The following GNA12 variants were observed in gnomAD, a reference collection of about 807,000 sequenced individuals.
GNA12 encodes the protein guanine nucleotide-binding protein subunit alpha-12.
GNA12 carries 9 observed loss-of-function variants against 26.0 expected under a neutral mutation model. The ratio of observed to expected loss-of-function variants is 0.35; its 90% CI spans 0.21 to 0.60. The LOEUF (loss-of-function observed/expected upper bound fraction) is 0.60. Ranked by LOEUF, GNA12 falls within the 20% of genes least tolerant of loss-of-function variation. The pLI is 0.78. For missense variants in GNA12, 405 were observed against 525.8 expected (o/e 0.77, Z 2.25); for synonymous variants, 264 against 219.6 (o/e 1.20, Z -1.79).
At position 2,750,067 on chromosome 7, in the gene GNA12, T is replaced by C. The variant is rs560975988; in HGVS notation, c.526-16566A>G. Reference sequence around the variant, plus strand: ...GAAGCTCCACAAATTCCAAATATGATAAGTATGAAGAAACTCATAGCAAGG... The same window carrying C: ...GAAGCTCCACAAATTCCAAATATGACAAGTATGAAGAAACTCATAGCAAGG... On this transcript the variant is annotated intron_variant, in intron 2 of 3. Coordinates refer to ENST00000275364, the MANE Select transcript of GNA12 (RefSeq NM_007353.3). Among the ~76,000 whole-genome samples the C allele has an allele frequency of 7.9e-5, 12 of 152,302 alleles. No individual in the cohort carries two copies. The East Asian group carries it at 2.3e-3, about 29-fold the overall frequency.
chr7:2,821,235 A>G (rs1793363821), intron 1 of GNA12, among the ~76,000 whole-genome samples: 1 of 152,236 alleles, frequency 6.6e-6, no homozygotes, highest in Non-Finnish European at 1.5e-5. Flanking sequence ...AATCATTCCA[A>G]TCACTCCTGC....
At chr7:2,792,235 G>C (rs1792538830) in intron 2 of GNA12, among the ~76,000 whole-genome samples, 1 of 152,202 alleles carries the variant, frequency 6.6e-6, no homozygotes. Context: ...AATGCAGAAT[G>C]AATGAATGAA....
chr7:2,749,892 G>A (rs1056084087), intron 2 of GNA12, among the ~76,000 whole-genome samples: 1 of 152,152 alleles, frequency 6.6e-6, no homozygotes, highest in Non-Finnish European at 1.5e-5. Flanking sequence ...TAAAGAATGA[G>A]GTGCAGGCAT....
intron 1 of GNA12, chr7:2,814,173 C>T (rs533564572): frequency 3.8e-5 from 24 of 631,348 alleles, no homozygotes; most frequent in African/African-American, 3.1e-4. Flanking sequence ...TTCTCAGCTC[C>T]CAGAATCACG....
At chr7:2,787,470 G>A (rs1376263278) in intron 2 of GNA12, among the ~76,000 whole-genome samples, 1 of 152,190 alleles carries the variant, frequency 6.6e-6, no homozygotes, top group African/African-American at 2.4e-5. Flanking sequence ...GCTGCACTCT[G>A]GAGCACGAAG....
At chr7:2,784,890 T>C (rs191309786) in intron 2 of GNA12, among the ~76,000 whole-genome samples, 43 of 152,364 alleles carry the variant, frequency 2.8e-4, no homozygotes, top group East Asian at 5.8e-4. Flanking sequence ...ATCATTATTT[T>C]CCTTTAGGGT....
intron 1 of GNA12, among the ~76,000 whole-genome samples, chr7:2,805,843 G>T (rs188540519): frequency 1.8e-3 from 274 of 152,260 alleles, no homozygotes; most frequent in Admixed American, 3.6e-3. Context: ...TATCTTGGCA[G>T]CCCAGCAAGA....
chr7:2,761,346 G>A (rs998602645), intron 2 of GNA12, among the ~76,000 whole-genome samples: 1 of 152,226 alleles, frequency 6.6e-6, no homozygotes, highest in African/African-American at 2.4e-5. Flanking sequence ...GAGGCACGGG[G>A]TGGGCACGCA....
At chr7:2,806,441 G>A (rs1209162133) in intron 1 of GNA12, among the ~76,000 whole-genome samples, 1 of 122,944 alleles carries the variant, frequency 8.1e-6, no homozygotes, top group African/African-American at 3.2e-5. Context: ...CTGGGGGATA[G>A]AGCGAGACTC....
chr7:2,803,126 C>T (rs1792854678), intron 1 of GNA12, among the ~76,000 whole-genome samples: 1 of 152,144 alleles, frequency 6.6e-6, no homozygotes, highest in Non-Finnish European at 1.5e-5. Context: ...AAACTTGGCT[C>T]CTGCTATGGG....
intron 1 of GNA12, among the ~76,000 whole-genome samples, chr7:2,818,563 G>A (rs1028898033): frequency 6.6e-6 from 1 of 152,188 alleles, no homozygotes; most frequent in Non-Finnish European, 1.5e-5. Flanking sequence ...AGGAGTTCGA[G>A]ACCAGCCTGG....
At chr7:2,811,431 A>AG (rs1793079331) in intron 1 of GNA12, among the ~76,000 whole-genome samples, 1 of 152,256 alleles carries the variant, frequency 6.6e-6, no homozygotes, top group South Asian at 2.1e-4. Context: ...CAGAACAACC[A>AG]GGGTGCTCAC....
In GNA12 at chr7:2,816,585, C is replaced by A. The variant is rs113990712; in HGVS notation, c.310-21442G>T. Among the ~76,000 whole-genome samples, 979 of 152,202 alleles carry A rather than the reference C, an allele frequency of 6.4e-3. 12 individuals carry two copies. The highest frequency in any genetic ancestry group is 0.022 in the African/African-American group (925 of 41,540). ...CAAAATAATGCCATTTCCATAAATT[C>A]TTAAAAACAAGTAATATACATATTG... On this transcript the variant is annotated intron_variant, in intron 1 of 3. Transcript: ENST00000275364.
intron 2 of GNA12, among the ~76,000 whole-genome samples, chr7:2,758,628 C>T (rs897660331): frequency 5.9e-5 from 9 of 152,090 alleles, no homozygotes; most frequent in Non-Finnish European, 1.0e-4. Context: ...TGGGGGAACC[C>T]CTGAAAGGGT....
intron 2 of GNA12, among the ~76,000 whole-genome samples, chr7:2,777,376 C>T (rs561384759): frequency 5.3e-5 from 8 of 152,288 alleles, no homozygotes; most frequent in South Asian, 2.1e-4. Flanking sequence ...CCTGAAAGGG[C>T]GAAGCTATAT....
intron 2 of GNA12, among the ~76,000 whole-genome samples, chr7:2,786,197 C>T (rs1792357485): frequency 6.6e-6 from 1 of 152,234 alleles, no homozygotes; most frequent in African/African-American, 2.4e-5. Flanking sequence ...CAATGCCAGT[C>T]TCCTGGTTTT....
At chr7:2,815,834 C>T (rs191113905) in intron 1 of GNA12, among the ~76,000 whole-genome samples, 1 of 152,332 alleles carries the variant, frequency 6.6e-6, no homozygotes, top group Non-Finnish European at 1.5e-5. Context: ...ATCCCAGAGA[C>T]ATTTCCCATC....
chr7:2,839,321 C>T (rs1158033086), intron 1 of GNA12, among the ~76,000 whole-genome samples: 1 of 152,074 alleles, frequency 6.6e-6, no homozygotes, highest in Non-Finnish European at 1.5e-5. Flanking sequence ...GCAACCTTTG[C>T]CTCCCAGGTT....
At chr7:2,782,711 T>C (rs1792260557) in intron 2 of GNA12, among the ~76,000 whole-genome samples, 1 of 152,078 alleles carries the variant, frequency 6.6e-6, no homozygotes. Flanking sequence ...CTGTTTGATA[T>C]GATTTACCAG....
Sources: allele counts gnomAD v4.1 joint callset (sites outside exome capture counted in the v4.1 genomes callset), GRCh38; gene constraint gnomAD v4.1.1; transcripts MANE v1.5; gene names NCBI Gene and HGNC (gene_info 2026-07-23, HGNC 2026-07-21).